The following PCDH11X variants were observed in gnomAD, a reference collection of about 807,000 sequenced individuals.
The protein encoded by PCDH11X is protocadherin 11 X-linked.
Under a neutral mutation model 53.3 loss-of-function variants are expected in PCDH11X, and 18 were observed. The ratio of observed to expected loss-of-function variants is 0.34; its 90% CI spans 0.23 to 0.50. The LOEUF is 0.50. Ranked by LOEUF, PCDH11X falls within the 20% of genes least tolerant of loss-of-function variation. The pLI is 0.98. For synonymous variants in PCDH11X, 279 were observed against 393.3 expected (o/e 0.71, Z 3.44); for missense variants, 570 against 1,032.4 (o/e 0.55, Z 6.14).
At chrX:92,471,041 G>A (rs1180355731) in intron 10 of PCDH11X, among the ~76,000 whole-genome samples, 1 of 105,151 alleles carries the variant, frequency 9.5e-6, no homozygotes, top group Non-Finnish European at 1.9e-5. Context: ...TTAAATATTC[G>A]TTAGAAGTCA....
chrX:92,352,554 A>C (rs962472572), intron 8 of PCDH11X, among the ~76,000 whole-genome samples: 2 of 110,813 alleles, frequency 1.8e-5, no homozygotes, highest in Non-Finnish European at 3.8e-5. Flanking sequence ...GGGCATGTTA[A>C]GGAACCTTGT....
chrX:91,958,392 G>T (rs1048818689), intron 6 of PCDH11X, among the ~76,000 whole-genome samples: 1 of 111,433 alleles, frequency 9.0e-6, no homozygotes, highest in Non-Finnish European at 1.9e-5. Flanking sequence ...AAAGTTCCTG[G>T]GTGTCTGTGT....
At chrX:92,092,978 C>T (rs35718827) in intron 6 of PCDH11X, among the ~76,000 whole-genome samples, 1,812 of 110,883 alleles carry the variant, frequency 0.016, 38 homozygotes, top group African/African-American at 0.057. Context: ...TGTTGCAAGA[C>T]CTGGTTGTTT....
chrX:92,045,869 G>A (rs1476717464), intron 6 of PCDH11X, among the ~76,000 whole-genome samples: 2 of 107,981 alleles, frequency 1.9e-5, no homozygotes, highest in African/African-American at 3.4e-5. Context: ...AACCTGGAAG[G>A]CCGAGGTTGC....
chrX:92,532,902 C>T (rs4020615), intron 10 of PCDH11X, among the ~76,000 whole-genome samples: 23 of 111,204 alleles, frequency 2.1e-4, no homozygotes, highest in Admixed American at 1.7e-3. Flanking sequence ...AGAGAGCTTG[C>T]GCAGGGCAAC....
chrX:92,374,436 A>AT (rs1396406652), intron 8 of PCDH11X, among the ~76,000 whole-genome samples: 1 of 101,382 alleles, frequency 9.9e-6, no homozygotes, highest in Non-Finnish European at 2.0e-5. Flanking sequence ...TCCAAAGACG[A>AT]TTTATCCATT....
At chrX:92,314,336 A>G in intron 8 of PCDH11X, among the ~76,000 whole-genome samples, 1 of 111,444 alleles carries the variant, frequency 9.0e-6, no homozygotes, top group South Asian at 3.8e-4. Flanking sequence ...GAAGATCTTC[A>G]GAGGCAATAG....
At chrX:92,107,628 T>G (rs748845527) in intron 6 of PCDH11X, among the ~76,000 whole-genome samples, 1 of 112,516 alleles carries the variant, frequency 8.9e-6, no homozygotes, top group Non-Finnish European at 1.9e-5. Flanking sequence ...TCCCTGCTAC[T>G]CGGGAGGCTG....
intron 1 of PCDH11X, among the ~76,000 whole-genome samples, chrX:91,788,930 C>G (rs1174367341): frequency 1.8e-5 from 2 of 111,619 alleles, no homozygotes; most frequent in Admixed American, 1.9e-4. Flanking sequence ...CTGGTCGCAG[C>G]GGCTCACGCC....
At chrX:92,280,672 A>T (rs1278688722) in intron 8 of PCDH11X, among the ~76,000 whole-genome samples, 3 of 111,353 alleles carry the variant, frequency 2.7e-5, no homozygotes, top group Non-Finnish European at 5.6e-5. Flanking sequence ...TAAATGAGAT[A>T]CAAACATGCA....
intron 8 of PCDH11X, among the ~76,000 whole-genome samples, chrX:92,373,605 G>A (rs2070675129): frequency 1.8e-5 from 2 of 111,564 alleles, no homozygotes; most frequent in South Asian, 3.8e-4. Flanking sequence ...AGTAAGAAAG[G>A]AGCGGAATAT....
chrX:92,114,062 A>T (rs1444365645), intron 6 of PCDH11X: 1 of 1,177,479 alleles, frequency 8.5e-7, no homozygotes, highest in African/African-American at 1.8e-5. Context: ...CCCCTGATAC[A>T]GGCATGACAG....
At chrX:92,579,440 A>G (rs72608338) in intron 10 of PCDH11X, among the ~76,000 whole-genome samples, 9,520 of 107,438 alleles carry the variant, frequency 0.089, 409 homozygotes, top group Admixed American at 0.21. Context: ...GGTTTTATTC[A>G]TTCCTTTTTA....
At chrX:92,441,685 A>C (rs755825157) in intron 9 of PCDH11X, among the ~76,000 whole-genome samples, 1 of 112,629 alleles carries the variant, frequency 8.9e-6, no homozygotes, top group East Asian at 2.8e-4. Context: ...AGTTTGCTGC[A>C]GGAGCAGCAC....
chrX:92,147,810 C>CCTTTCTTTCTTTCTCTTT (rs2065297279), intron 6 of PCDH11X, among the ~76,000 whole-genome samples: 2 of 70,207 alleles, frequency 2.8e-5, no homozygotes, highest in East Asian at 1.1e-3. Flanking sequence ...TTTCTTCCTT[C>CCTTTCTTTCTTTCTCTTT]CTTTCTTTCT....
intron 10 of PCDH11X, among the ~76,000 whole-genome samples, chrX:92,565,955 A>G (rs1423320841): frequency 9.2e-6 from 1 of 108,211 alleles, no homozygotes; most frequent in Non-Finnish European, 1.9e-5. Context: ...TTTGAACAAT[A>G]TGCTTAGTTC....
intron 10 of PCDH11X, among the ~76,000 whole-genome samples, chrX:92,536,547 A>G (rs1394316067): frequency 4.6e-5 from 5 of 109,599 alleles, no homozygotes; most frequent in African/African-American, 1.7e-4. Flanking sequence ...AATCTTCTCC[A>G]TATTGTTTAT....
intron 4 of PCDH11X, among the ~76,000 whole-genome samples, chrX:91,824,781 C>G (rs1449837676): frequency 8.3e-5 from 9 of 108,872 alleles, no homozygotes; most frequent in East Asian, 2.9e-4. Context: ...TTTTTCTGTT[C>G]TGTTTTTTCC....
At chrX:92,107,138 C>A (rs900356083) in intron 6 of PCDH11X, among the ~76,000 whole-genome samples, 12 of 111,234 alleles carry the variant, frequency 1.1e-4, no homozygotes, top group African/African-American at 3.9e-4. Flanking sequence ...CAATCCCCCT[C>A]CTCAATCCCT....
Sources: allele counts gnomAD v4.1 joint callset (sites outside exome capture counted in the v4.1 genomes callset), GRCh38; gene constraint gnomAD v4.1.1; transcripts MANE v1.5; gene names NCBI Gene and HGNC (gene_info 2026-07-23, HGNC 2026-07-21).